The following WWP2 variants were observed in gnomAD, a reference collection of about 807,000 sequenced individuals.
WWP2 encodes NEDD4-like E3 ubiquitin-protein ligase WWP2.
A neutral mutation model predicts 121.0 loss-of-function variants in WWP2; 57 were observed. That is an observed-to-expected ratio of 0.47 (90% CI 0.38 to 0.59). The LOEUF (loss-of-function observed/expected upper bound fraction) is 0.59. Among genes scored for constraint, WWP2 ranks in the 20% least tolerant of loss-of-function variants. The probability of loss-of-function intolerance (pLI) is 0.00; values close to 1 mark genes in which losing one functional copy is unlikely to be tolerated. For missense variants in WWP2, 962 were observed against 1,158.9 expected, an observed-to-expected ratio of 0.83 and a Z score of 2.47; for synonymous variants, 449 against 441.3, an observed-to-expected ratio of 1.02 and a Z score of -0.22.
chr16:69,907,741 A>G (rs774265053), intron 8 of WWP2, among the ~76,000 whole-genome samples: 62 of 152,208 alleles, frequency 4.1e-4, no homozygotes, highest in Non-Finnish European at 7.5e-4. Flanking sequence ...TCAGTAGTGC[A>G]CATAAGCCAT....
At position 69,840,245 on chromosome 16, in the gene WWP2, G is replaced by A; in HGVS notation, c.460G>A (p.Gly154Ser). The A allele has an allele frequency of 1.2e-6, 2 of 1,614,190 alleles. No individual in the cohort carries two copies. Among genetic ancestry groups the A allele is most frequent in the Non-Finnish European group, 1.7e-6 (2 of 1,180,036 alleles). The change falls in exon 5 of 24, where the codon GGC becomes AGC. Residue 154 changes from glycine to serine, a missense_variant. Gly to Ser is a moderately conservative substitution (Grantham distance 56). This residue lies in a region of WWP2 where 211 missense variants were observed against 196.5 expected (regional missense o/e 1.07). Transcript: ENST00000359154. ...TGTTGATCTGGGAAATGTGCCTAAT[G>A]GCAGTGCCCTGACAGATGGTGAGTG... ...PTVDLGNVPNGSALTDGSQLP... is the reference protein window; with the variant it reads ...PTVDLGNVPNSSALTDGSQLP...
At chr16:69,848,156 G>C (rs562729987) in intron 6 of WWP2, among the ~76,000 whole-genome samples, 1 of 152,294 alleles carries the variant, frequency 6.6e-6, no homozygotes, top group East Asian at 1.9e-4. Context: ...TTAAGAAGCT[G>C]TCAGCTGGGC....
intron 5 of WWP2, 60 bp downstream of exon 5, chr16:69,840,323 A>G: frequency 6.2e-7 from 1 of 1,604,696 alleles, no homozygotes; most frequent in Non-Finnish European, 8.5e-7. Flanking sequence ...GGCGGGGGCC[A>G]GGAGGTGCTG....
intron 4 of WWP2, chr16:69,838,826 TC>T: frequency 1.0e-6 from 1 of 985,466 alleles, no homozygotes; most frequent in Non-Finnish European, 1.2e-6. Context: ...ATTGGAGAGA[TC>T]CATGGCAGGG....
intron 2 of WWP2, among the ~76,000 whole-genome samples, chr16:69,795,453 ATG>A (rs2056013713): frequency 6.6e-6 from 1 of 152,078 alleles, no homozygotes; most frequent in African/African-American, 2.4e-5. Context: ...CAATAGCCAC[ATG>A]TGTCTCATGG....
intron 6 of WWP2, among the ~76,000 whole-genome samples, chr16:69,849,927 G>A (rs1025077146): frequency 6.6e-6 from 1 of 152,084 alleles, no homozygotes; most frequent in Non-Finnish European, 1.5e-5. Flanking sequence ...ATATTTATTT[G>A]GCATTTACTC....
chr16:69,937,793 C>G lies in WWP2; in HGVS notation c.2343+141C>G. 1 of 746,012 alleles carries G rather than the reference C, an allele frequency of 1.3e-6. No individual in the cohort carries two copies. Among genetic ancestry groups the G allele is most frequent in the Non-Finnish European group, 2.2e-6 (1 of 457,454 alleles). 46.2% of individuals were successfully genotyped at this position (746,012 alleles called of 1,614,324 possible). ...ACACCTTGCAAAAGGAGACGATAGA[C>G]CAGCCTTGGGATGAACGGGGACAGT... On this transcript the variant is annotated intron_variant, in intron 21 of 23. Coordinates refer to ENST00000359154, the MANE Select transcript of WWP2 (RefSeq NM_001270454.2). This position sits in a 1 kb window ranked among gnomAD's most constrained non-coding sequence, Gnocchi z 6.6.
At chr16:69,876,028 C>T (rs2057729296) in intron 7 of WWP2, among the ~76,000 whole-genome samples, 1 of 152,142 alleles carries the variant, frequency 6.6e-6, no homozygotes, top group South Asian at 2.1e-4. Flanking sequence ...GATCTCAGCT[C>T]ACTGCTGCAA....
chr16:69,875,358 A>G (rs1261722013), intron 7 of WWP2, among the ~76,000 whole-genome samples: 1 of 152,196 alleles, frequency 6.6e-6, no homozygotes, highest in Non-Finnish European at 1.5e-5. Flanking sequence ...CTCGATGTTG[A>G]TGGCTGCTGA....
At chr16:69,934,882 A>G (rs771541812) in intron 17 of WWP2, among the ~76,000 whole-genome samples, 1 of 152,194 alleles carries the variant, frequency 6.6e-6, no homozygotes, top group Non-Finnish European at 1.5e-5. Flanking sequence ...AGGGCGCGCC[A>G]GTCCATGGGC....
intron 7 of WWP2, among the ~76,000 whole-genome samples, chr16:69,886,436 T>G (rs1483368630): frequency 6.6e-6 from 1 of 151,116 alleles, no homozygotes; most frequent in Non-Finnish European, 1.5e-5. Flanking sequence ...GGTAATAGAA[T>G]CAGCCTCACA....
intron 4 of WWP2, among the ~76,000 whole-genome samples, chr16:69,833,086 T>G (rs921479178): frequency 7.9e-5 from 12 of 152,070 alleles, no homozygotes; most frequent in African/African-American, 2.9e-4. Context: ...CTCAAACTCT[T>G]GGACTCAAGC....
chr16:69,934,040 A>C lies in WWP2; in HGVS notation c.1753A>C (p.Asn585His). The C allele has an allele frequency of 6.2e-7, 1 of 1,614,126 alleles. No homozygotes were observed. Among genetic ancestry groups the C allele is most frequent in the Non-Finnish European group, 8.5e-7 (1 of 1,180,030 alleles). Reference protein sequence around the residue: ...MYCLFEYAGKNNYCLQINPAS... With the variant: ...MYCLFEYAGKHNYCLQINPAS... ...TTGTTTATTTGAATATGCCGGAAAG[A>C]ACAATTACTGCCTGCAGATCAACCC... Residue 585 changes from asparagine to histidine, a missense_variant, in exon 17 of 24, where the codon AAC (asparagine) becomes CAC (histidine). Transcript: ENST00000359154.
chr16:69,882,407 T>TTATTGAATA (rs1407333957), intron 7 of WWP2, among the ~76,000 whole-genome samples: 4 of 152,366 alleles, frequency 2.6e-5, no homozygotes. Flanking sequence ...TTTCTTTTGC[T>TTATTGAATA]AGATTATTGG....
chr16:69,921,575 A>C (rs184511685), intron 10 of WWP2, among the ~76,000 whole-genome samples: 1 of 151,068 alleles, frequency 6.6e-6, no homozygotes, highest in Admixed American at 6.6e-5. Context: ...CCCTTTCCCA[A>C]CTCCTAGTGT....
chr16:69,846,743 G>T (rs181289203), intron 6 of WWP2, among the ~76,000 whole-genome samples: 29 of 151,594 alleles, frequency 1.9e-4, no homozygotes, highest in Admixed American at 8.5e-4. Context: ...AAAGAAAAAA[G>T]AATGGGAATA....
At position 69,936,324 on chromosome 16, in the gene WWP2, G is replaced by T. The variant is rs1283142607; in HGVS notation, c.1989G>T (p.Leu663=). The T allele has an allele frequency of 6.2e-7, 1 of 1,614,090 alleles. No homozygotes were observed. Among genetic ancestry groups the T allele is most frequent in the East Asian group, 2.2e-5 (1 of 44,880 alleles). ...CCTGTGCCCCCAGAGAGAACAACCT[G>T]GAAGAATGTGGCCTGGAGCTGTACT... ...NSIVWIKENN[L]EECGLELYFI... Residue 663 remains leucine (L), a synonymous_variant, in exon 19 of 24, where the codon CTG becomes CTT. Transcript: ENST00000359154.
chr16:69,934,488 G>C (rs1424777880), intron 17 of WWP2, among the ~76,000 whole-genome samples: 4 of 151,428 alleles, frequency 2.6e-5, no homozygotes, highest in Non-Finnish European at 4.4e-5. Context: ...AGGGAGCCCA[G>C]GGTCGCTGGG....
chr16:69,921,516 C>T (rs117631037), intron 10 of WWP2, among the ~76,000 whole-genome samples: 3,077 of 152,332 alleles, frequency 0.02, 52 homozygotes, highest in Middle Eastern at 0.037. Context: ...TCAACACACA[C>T]CTTCTCCAGT....
Sources: allele counts gnomAD v4.1 joint callset (sites outside exome capture counted in the v4.1 genomes callset), GRCh38; gene constraint gnomAD v4.1.1; regional missense constraint gnomAD v4.1.1; non-coding constraint Gnocchi (gnomAD v3.1); transcripts MANE v1.5; gene names NCBI Gene and HGNC (gene_info 2026-07-23, HGNC 2026-07-21).